Variants in WDR59 observed in about 807,000 individuals in gnomAD.
The protein encoded by WDR59 is GATOR2 complex protein WDR59.
WDR59 carries 100 observed loss-of-function variants against 131.2 expected under a neutral mutation model. That is an observed-to-expected ratio of 0.76 (90% CI 0.65 to 0.90). WDR59 has a LOEUF of 0.90. Among genes scored for constraint, WDR59 ranks in the 40% least tolerant of loss-of-function variants. The probability of loss-of-function intolerance (pLI) is 0.00; values close to 1 mark genes in which losing one functional copy is unlikely to be tolerated. For synonymous variants in WDR59, 601 were observed against 466.2 expected (o/e 1.29, Z -3.72); for missense variants, 1,203 against 1,262.2 (o/e 0.95, Z 0.71).
At chr16:74,926,195 G>C (rs1034673773) in intron 8 of WDR59, among the ~76,000 whole-genome samples, 3 of 151,798 alleles carry the variant, frequency 2.0e-5, no homozygotes, top group East Asian at 3.9e-4. Context: ...ACGTAGCTGG[G>C]ATTACAGGCA....
intron 6 of WDR59, among the ~76,000 whole-genome samples, chr16:74,943,358 C>T (rs1037985345): frequency 1.3e-5 from 2 of 152,020 alleles, no homozygotes; most frequent in Admixed American, 1.3e-4. Context: ...ACATGCTCCC[C>T]GCACCCCACT....
intron 8 of WDR59, among the ~76,000 whole-genome samples, chr16:74,929,378 C>T (rs1329262372): frequency 1.3e-5 from 2 of 152,136 alleles, no homozygotes; most frequent in East Asian, 3.8e-4. Context: ...CCCGGCTGAA[C>T]AGACATCTCT....
At chr16:74,948,664 G>C (rs1263267484) in intron 5 of WDR59, 108 bp from the exon 6 acceptor site, 1 of 919,572 alleles carries the variant, frequency 1.1e-6, no homozygotes, top group Non-Finnish European at 1.8e-6. Flanking sequence ...GTGGGAACTT[G>C]GAGTAGGTAG....
Position 74,924,906 on chromosome 16 carries a change from C to T in WDR59, c.652-903G>A, listed in dbSNP as rs188058797. 5.7e-3 allele frequency among the ~76,000 whole-genome samples: 869 copies of T among 152,214 alleles called. 8 individuals are homozygous for T. Among genetic ancestry groups the T allele is most frequent in the Middle Eastern group, 0.02 (6 of 294 alleles). Reference sequence around the variant, plus strand: ...AAAGTGCTGGGATTACAGGTATGAACTACCACTCCCGGCCACTTTGGCAAT... The same window carrying T: ...AAAGTGCTGGGATTACAGGTATGAATTACCACTCCCGGCCACTTTGGCAAT... On this transcript the variant is annotated intron_variant, in intron 8 of 25. Transcript: ENST00000262144.
intron 2 of WDR59, among the ~76,000 whole-genome samples, chr16:74,958,608 AAAAAAAAAAAAAC>A (rs1401188701): frequency 4.2e-5 from 6 of 143,086 alleles, no homozygotes; most frequent in Non-Finnish European, 6.1e-5. Flanking sequence ...AAAAAAAAAA[AAAAAAAAAAAAAC>A]AAGCTAAATA....
At chr16:74,935,482 A>T (rs1323777166) in intron 8 of WDR59, among the ~76,000 whole-genome samples, 12 of 152,166 alleles carry the variant, frequency 7.9e-5, no homozygotes, top group Admixed American at 5.2e-4. Context: ...AATAATTTAT[A>T]AACTGAAGTG....
At chr16:74,944,782 T>G (rs1413810795) in intron 6 of WDR59, among the ~76,000 whole-genome samples, 1 of 152,046 alleles carries the variant, frequency 6.6e-6, no homozygotes, top group Non-Finnish European at 1.5e-5. Flanking sequence ...TCTACTTCCA[T>G]TTTTTAAGAA....
At chr16:74,935,739 T>C (rs2031745516) in intron 8 of WDR59, among the ~76,000 whole-genome samples, 1 of 152,060 alleles carries the variant, frequency 6.6e-6, no homozygotes, top group Non-Finnish European at 1.5e-5. Flanking sequence ...TCAATAAAAA[T>C]TGTCTTGCTA....
intron 21 of WDR59, 106 bp from the exon 22 acceptor site, chr16:74,888,425 T>A (rs139999110): frequency 1.7e-6 from 2 of 1,195,706 alleles, no homozygotes; most frequent in Non-Finnish European, 2.3e-6. Context: ...AAGGGAGGAG[T>A]CTTGATTCTG....
chr16:74,944,568 C>T (rs547616332), intron 6 of WDR59, among the ~76,000 whole-genome samples: 1 of 152,094 alleles, frequency 6.6e-6, no homozygotes, highest in Admixed American at 6.5e-5. Flanking sequence ...ACGTGACTCC[C>T]TATCCCAAAG....
intron 18 of WDR59, among the ~76,000 whole-genome samples, chr16:74,903,519 C>T (rs959211905): frequency 1.3e-5 from 2 of 151,628 alleles, no homozygotes; most frequent in African/African-American, 2.4e-5. Flanking sequence ...ACCTTTCAGA[C>T]ATTAACTTTA....
At chr16:74,942,671 T>C (rs2032322509) in intron 7 of WDR59, 67 bp downstream of exon 7, 7 of 1,533,544 alleles carry the variant, frequency 4.6e-6, no homozygotes, top group Middle Eastern at 1.7e-4. Flanking sequence ...CTGGCACTCA[T>C]AAAATCATCT....
Position 74,892,703 on chromosome 16 carries a change from C to T in WDR59, c.2001-138G>A, listed in dbSNP as rs556222796. On this transcript the variant is annotated intron_variant, in intron 19 of 25. Transcript: ENST00000262144. ...GTTTTATTCCGCGTTGGCCTTGGGC[C>T]CCCTTTCTATCTGACTCAGAGGAAA... 106 of 682,544 alleles carry T rather than the reference C, an allele frequency of 1.6e-4. 3 individuals are homozygous for T. In the South Asian group the frequency reaches 1.9e-3, roughly 12 times the overall value. The allele number at this position is 682,544 out of a possible 1,614,324, so 42.3% of individuals were successfully genotyped here.
chr16:74,981,631 T>TACACATATATATATATATATATACAC (rs545176557), intron 1 of WDR59, among the ~76,000 whole-genome samples: 2 of 5,802 alleles, frequency 3.4e-4, no homozygotes, highest in African/African-American at 1.0e-3. Context: ...TATATATATA[T>TACACATATATATATATATATATACAC]ATATATATAT....
chr16:74,911,249 C>G (rs565857517), intron 14 of WDR59, among the ~76,000 whole-genome samples: 1 of 152,196 alleles, frequency 6.6e-6, no homozygotes, highest in East Asian at 1.9e-4. Flanking sequence ...TTTTGTATGT[C>G]CAAACTAGGC....
chr16:74,891,112 C>CAAAAAAAAAAAAAAAAAA (rs1220561474), intron 20 of WDR59, among the ~76,000 whole-genome samples: 1 of 65,450 alleles, frequency 1.5e-5, no homozygotes, highest in Non-Finnish European at 3.1e-5. Flanking sequence ...GACTCTGTCT[C>CAAAAAAAAAAAAAAAAAA]AAAAAAAAAA....
intron 1 of WDR59, among the ~76,000 whole-genome samples, chr16:74,966,569 A>G (rs534915776): frequency 5.8e-4 from 89 of 152,250 alleles, no homozygotes; most frequent in African/African-American, 2.1e-3. Context: ...AGCAGCTACT[A>G]TGAACAAAGA....
intron 14 of WDR59, among the ~76,000 whole-genome samples, chr16:74,910,613 G>A (rs1477090106): frequency 6.6e-6 from 1 of 152,154 alleles, no homozygotes; most frequent in Non-Finnish European, 1.5e-5. Context: ...GTGACAAGAG[G>A]CATGGATTTC....
Position 74,918,018 on chromosome 16 carries a change from A to G in WDR59, c.887-10T>C, listed in dbSNP as rs765040037. On this transcript the variant is annotated splice_polypyrimidine_tract_variant and intron_variant, in intron 10 of 25. Coordinates refer to ENST00000262144, the MANE Select transcript of WDR59 (RefSeq NM_030581.4). ...TGATAGTCCTTGGACCCTAGAAATC[A>G]CCAAATAAGAATCCTGGAAATTCTT... The G allele has an allele frequency of 6.2e-7, 1 of 1,612,764 alleles. No homozygotes were observed. The highest frequency in any genetic ancestry group is 1.1e-5 in the South Asian group (1 of 90,882).
Sources: allele counts gnomAD v4.1 joint callset (sites outside exome capture counted in the v4.1 genomes callset), GRCh38; gene constraint gnomAD v4.1.1; transcripts MANE v1.5; gene names NCBI Gene and HGNC (gene_info 2026-07-23, HGNC 2026-07-21).